Variants in SEZ6L observed in about 807,000 individuals in gnomAD.
SEZ6L encodes the protein seizure related 6 homolog like, also known as seizure 6-like protein.
SEZ6L carries 37 observed loss-of-function variants against 106.2 expected under a neutral mutation model. That is an observed-to-expected ratio of 0.35 (90% CI 0.27 to 0.46). SEZ6L has a LOEUF of 0.46. Among genes scored for constraint, SEZ6L ranks in the 20% least tolerant of loss-of-function variants. The probability of loss-of-function intolerance (pLI) is 1.00; values close to 1 mark genes in which losing one functional copy is unlikely to be tolerated. For missense variants in SEZ6L, 1,172 were observed against 1,332.8 expected (o/e 0.88, Z 1.88); for synonymous variants, 541 against 570.4 (o/e 0.95, Z 0.73).
intron 1 of SEZ6L, among the ~76,000 whole-genome samples, chr22:26,230,034 G>GCCATGCAC (rs1238199473): frequency 2.0e-5 from 3 of 152,240 alleles, no homozygotes; most frequent in African/African-American, 7.2e-5. Context: ...CATCTGAGAA[G>GCCATGCAC]CCATGCACAG....
At chr22:26,343,295 T>C (rs915317827) in intron 10 of SEZ6L, among the ~76,000 whole-genome samples, 7 of 145,534 alleles carry the variant, frequency 4.8e-5, no homozygotes, top group African/African-American at 1.8e-4. Context: ...CCCAAGTCAG[T>C]ATTCCAAACC....
Position 26,310,802 on chromosome 22 carries a change from C to G in SEZ6L, c.1647C>G (p.Ala549=). ...GCATCGAGTTCACGTCCGACCAGGC[C>G]CGGGCGGCCTCCACCTTCAACATCC... ...TIRIEFTSDQ[A]RAASTFNIRF... The change falls in exon 7 of 17, where the codon GCC becomes GCG. Residue 549 remains alanine, a synonymous_variant. Coordinates refer to ENST00000248933, the MANE Select transcript of SEZ6L (RefSeq NM_021115.5). 6.2e-7 allele frequency: 1 copy of G among 1,614,104 alleles called. No homozygotes were observed. The highest frequency in any genetic ancestry group is 8.5e-7 in the Non-Finnish European group (1 of 1,180,016).
chr22:26,271,547 G>C (rs2080368684), intron 1 of SEZ6L, among the ~76,000 whole-genome samples: 1 of 152,168 alleles, frequency 6.6e-6, no homozygotes, highest in Admixed American at 6.5e-5. Context: ...TAAATGGCTT[G>C]GCGTCTTTCC....
chr22:26,292,303 G>C (rs575076074), intron 1 of SEZ6L, 103 bp from the exon 2 acceptor site: 1 of 855,254 alleles, frequency 1.2e-6, no homozygotes, highest in Non-Finnish European at 1.8e-6. Flanking sequence ...CCAGCCGGAC[G>C]AGCTTTGGGC....
chr22:26,348,622 A>AAG (rs1271649569), intron 11 of SEZ6L, among the ~76,000 whole-genome samples: 3 of 32,184 alleles, frequency 9.3e-5, no homozygotes, highest in East Asian at 1.4e-3. Context: ...AAAAGAAAGA[A>AAG]AGAAAGAAAG....
At chr22:26,322,091 T>C (rs1363915033) in intron 9 of SEZ6L, among the ~76,000 whole-genome samples, 1 of 152,238 alleles carries the variant, frequency 6.6e-6, no homozygotes, top group East Asian at 1.9e-4. Context: ...TGGGTAGAGA[T>C]AATTACAGAA....
chr22:26,223,008 G>T (rs1367391409), intron 1 of SEZ6L, among the ~76,000 whole-genome samples: 1 of 151,824 alleles, frequency 6.6e-6, no homozygotes, highest in Non-Finnish European at 1.5e-5. Flanking sequence ...AAATTATCTG[G>T]CCCCAAATGT....
At chr22:26,264,213 G>T (rs1333682079) in intron 1 of SEZ6L, among the ~76,000 whole-genome samples, 1 of 152,234 alleles carries the variant, frequency 6.6e-6, no homozygotes, top group Non-Finnish European at 1.5e-5. Flanking sequence ...GGCAAGCACT[G>T]CCTGGGAGGA....
In SEZ6L at chr22:26,226,962, TTGGTGGTC is replaced by T. The variant is rs1055236532; in HGVS notation, c.94+57204_94+57211del. Among the ~76,000 whole-genome samples the T allele has an allele frequency of 8.3e-4, 127 of 152,266 alleles. 1 individual carries two copies. Among genetic ancestry groups the T allele is most frequent in the African/African-American group, 2.5e-3 (105 of 41,552 alleles). ...GGAGCTGGGGTCCTTGTTGTCACTG[TTGGTGGTC>T]TGGTCAGCTTTGGTCCACGTACCAC... On this transcript the variant is annotated intron_variant, in intron 1 of 16. Transcript: ENST00000248933.
In SEZ6L at chr22:26,306,067, C is replaced by T; in HGVS notation, c.1437C>T (p.Cys479=). ...YPENTNGSQF[C]IWTIEAPEGQ... ...AAAACACAAATGGGAGCCAATTCTG[C>T]ATCTGGACGATTGAAGCTCCAGAGG... Residue 479 remains cysteine (C), a synonymous_variant, in exon 6 of 17, where the codon TGC becomes TGT. Coordinates refer to ENST00000248933, the MANE Select transcript of SEZ6L (RefSeq NM_021115.5). 6.2e-7 allele frequency: 1 copy of T among 1,614,166 alleles called. No individual in the cohort carries two copies. Among genetic ancestry groups the T allele is most frequent in the Non-Finnish European group, 8.5e-7 (1 of 1,180,018 alleles).
intron 14 of SEZ6L, among the ~76,000 whole-genome samples, 169 bp downstream of exon 14, chr22:26,373,652 G>A (rs1601649578): frequency 6.6e-6 from 1 of 152,056 alleles, no homozygotes; most frequent in African/African-American, 2.4e-5. Flanking sequence ...AAAAATTATG[G>A]GATTTGCAAG....
intron 6 of SEZ6L, among the ~76,000 whole-genome samples, 195 bp downstream of exon 6, chr22:26,306,339 T>G (rs1009069583): frequency 2.6e-5 from 4 of 152,164 alleles, no homozygotes; most frequent in African/African-American, 9.7e-5. Context: ...AACCAGGGTA[T>G]GCAGAAGGAA....
chr22:26,375,584 C>A lies in SEZ6L; in HGVS notation c.2837C>A (p.Ala946Glu), dbSNP rs376385912. 28 of 1,613,796 alleles carry A rather than the reference C, an allele frequency of 1.7e-5. No individual in the cohort carries two copies. In the African/African-American group the frequency reaches 3.2e-4, roughly 18 times the overall value. ...TGGCTCCTGTGTTCAGTAGCAGAAG[C>A]GGCAGCAGAGACGTCGCTGGAAGGG... ...SFEHALEVAEAAAETSLEGGN... is the reference protein window; with the variant it reads ...SFEHALEVAEEAAETSLEGGN... Residue 946 changes from alanine to glutamate, a missense_variant, in exon 15 of 17, where the codon GCG becomes GAG. By Grantham distance (107) the Ala-to-Glu change is moderately radical (BLOSUM62 -1). Coordinates refer to ENST00000248933, the MANE Select transcript of SEZ6L (RefSeq NM_021115.5).
chr22:26,187,793 T>C (rs1569362590), intron 1 of SEZ6L, among the ~76,000 whole-genome samples: 1 of 152,188 alleles, frequency 6.6e-6, no homozygotes, highest in Non-Finnish European at 1.5e-5. Flanking sequence ...GGGCCAACAT[T>C]GCTGGGTAAA....
chr22:26,269,806 A>G (rs966125398), intron 1 of SEZ6L, among the ~76,000 whole-genome samples: 10 of 152,226 alleles, frequency 6.6e-5, no homozygotes, highest in African/African-American at 2.4e-4. Flanking sequence ...CAAGGAATAG[A>G]GTCTACTGTG....
intron 1 of SEZ6L, among the ~76,000 whole-genome samples, chr22:26,273,265 G>A (rs150971034): frequency 3.0e-4 from 46 of 152,368 alleles, no homozygotes; most frequent in African/African-American, 9.1e-4. Flanking sequence ...TAGTGCCACC[G>A]CATGCAGGCA....
At chr22:26,255,489 A>G (rs1232082739) in intron 1 of SEZ6L, among the ~76,000 whole-genome samples, 2 of 152,354 alleles carry the variant, frequency 1.3e-5, no homozygotes, top group Admixed American at 6.5e-5. Flanking sequence ...ATGGAAGAGA[A>G]GGACTTTCTG....
intron 1 of SEZ6L, among the ~76,000 whole-genome samples, chr22:26,233,386 G>A (rs1469620956): frequency 6.6e-6 from 1 of 152,172 alleles, no homozygotes; most frequent in Non-Finnish European, 1.5e-5. Context: ...GAGGACCCTG[G>A]AGGAGCCTCC....
intron 9 of SEZ6L, among the ~76,000 whole-genome samples, chr22:26,323,146 T>C (rs1012970015): frequency 2.0e-5 from 3 of 152,200 alleles, no homozygotes; most frequent in African/African-American, 7.2e-5. Flanking sequence ...GAAGATGCCT[T>C]GCAGCCAAGG....
Sources: gnomAD v4.1 joint callset for allele counts (sites outside exome capture counted in the v4.1 genomes callset) on GRCh38, gnomAD v4.1.1 for gene constraint, MANE v1.5 for transcripts, NCBI Gene and HGNC (gene_info 2026-07-23, HGNC 2026-07-21) for gene names.